MTUS2: variants seen among roughly 807,000 people sequenced by gnomAD.
MTUS2 encodes microtubule associated scaffold protein 2.
A neutral mutation model predicts 114.1 loss-of-function variants in MTUS2; 40 were observed. The ratio of observed to expected loss-of-function variants is 0.35; its 90% confidence interval spans 0.27 to 0.46. The LOEUF (loss-of-function observed/expected upper bound fraction) is 0.46, where lower values mean the gene tolerates loss of function less well. Ranked by LOEUF, MTUS2 falls within the 20% of genes least tolerant of loss-of-function variation. The pLI is 1.00. For synonymous variants in MTUS2, 688 were observed against 672.0 expected, an observed-to-expected ratio of 1.02 and a Z score of -0.37; for missense variants, 1,679 against 1,705.4, an observed-to-expected ratio of 0.98 and a Z score of 0.27.
intron 5 of MTUS2, among the ~76,000 whole-genome samples, chr13:29,156,141 TCCCA>T (rs1892850508): frequency 6.6e-6 from 1 of 152,114 alleles, no homozygotes; most frequent in South Asian, 2.1e-4. Context: ...TTTAGGGTGC[TCCCA>T]TTTTCTAGTG....
In MTUS2 at chr13:29,124,852, A is replaced by G. The variant is rs79963558; in HGVS notation, c.2644+23882A>G. ...GACACAAAGGACAAATAAATACTGC[A>G]TGATTCCACTAATAGGAGGTACCTG... is the stretch of plus-strand genomic sequence containing the variant. On this transcript the variant is annotated intron_variant, in intron 5 of 15. Transcript: ENST00000612955. Among the ~76,000 whole-genome samples, 9 of 152,354 alleles carry G rather than the reference A, an allele frequency of 5.9e-5. No individual in the cohort carries two copies. In the East Asian group the frequency reaches 1.5e-3, roughly 26 times the overall value.
intron 2 of MTUS2, among the ~76,000 whole-genome samples, chr13:28,891,522 A>G (rs2137913942): frequency 6.6e-6 from 1 of 152,302 alleles, no homozygotes; most frequent in South Asian, 2.1e-4. Context: ...TGTAAATGTT[A>G]AGTTCCTAAG....
chr13:29,349,459 T>A (rs1869036383), intron 7 of MTUS2, among the ~76,000 whole-genome samples: 1 of 152,174 alleles, frequency 6.6e-6, no homozygotes, highest in Non-Finnish European at 1.5e-5. Context: ...TCTGAGTTAC[T>A]CATTTAATTG....
At chr13:28,990,013 G>A (rs1884760540) in intron 2 of MTUS2, among the ~76,000 whole-genome samples, 1 of 152,166 alleles carries the variant, frequency 6.6e-6, no homozygotes, top group African/African-American at 2.4e-5. Context: ...GGGCTTATAT[G>A]GAAGGAGGTA....
intron 7 of MTUS2, among the ~76,000 whole-genome samples, chr13:29,338,596 C>CAAAACAAA (rs1555266802): frequency 0.011 from 1,563 of 143,198 alleles, 26 homozygotes; most frequent in African/African-American, 0.041. Context: ...TCTCAGAAAA[C>CAAAACAAA]AAAAAAAAAC....
At chr13:29,330,215 T>G (rs1900713277) in intron 7 of MTUS2, among the ~76,000 whole-genome samples, 1 of 152,224 alleles carries the variant, frequency 6.6e-6, no homozygotes, top group Admixed American at 6.5e-5. Flanking sequence ...TTACATGTGT[T>G]TGTTGGCCAC....
chr13:29,462,513 G>A lies in MTUS2; in HGVS notation c.3185-17637G>A, dbSNP rs149401690. Among the ~76,000 whole-genome samples, 46 of 152,272 alleles carry A rather than the reference G, an allele frequency of 3.0e-4. No homozygotes were observed. In the East Asian group the frequency reaches 8.7e-3, roughly 29 times the overall value. On this transcript the variant is annotated intron_variant, in intron 9 of 15. Coordinates refer to ENST00000612955, the MANE Select transcript of MTUS2 (RefSeq NM_001033602.4). ...AGAGATAGTGGTGGCTGCAGCCAGG[G>A]TGGTGGTGGTGAGGAGGGGAGATGT...
intron 2 of MTUS2, among the ~76,000 whole-genome samples, chr13:29,016,195 G>C (rs538015773): frequency 9.6e-4 from 146 of 152,240 alleles, no homozygotes; most frequent in Non-Finnish European, 1.9e-3. Context: ...GAGCCACCAT[G>C]CCTGGCCAAT....
At position 29,381,902 on chromosome 13, in the gene MTUS2, A is replaced by G. The variant is rs1038981191; in HGVS notation, c.3117+22429A>G. On this transcript the variant is annotated intron_variant, in intron 8 of 15. Transcript: ENST00000612955. ...ATGAGGGTGACGTGAGATAACAGAC[A>G]TGAAAGTTGGAAATACTCTATCACG... is the stretch of plus-strand genomic sequence containing the variant. Among the ~76,000 whole-genome samples the G allele has an allele frequency of 3.9e-5, 6 of 152,322 alleles. No individual in the cohort carries two copies. The East Asian group carries it at 7.7e-4, about 20-fold the overall frequency.
intron 5 of MTUS2, among the ~76,000 whole-genome samples, chr13:29,121,460 T>C (rs575542928): frequency 2.2e-3 from 321 of 145,094 alleles, no homozygotes; most frequent in Non-Finnish European, 3.6e-3. Context: ...CACACACACA[T>C]GCAAGAGATA....
chr13:29,166,823 G>A (rs1046620443), intron 5 of MTUS2, among the ~76,000 whole-genome samples: 1 of 151,874 alleles, frequency 6.6e-6, no homozygotes, highest in African/African-American at 2.4e-5. Context: ...AAGATGTATT[G>A]TCTTGAAAAA....
At chr13:29,377,632 G>A (rs78171712) in intron 8 of MTUS2, among the ~76,000 whole-genome samples, 1,901 of 151,300 alleles carry the variant, frequency 0.013, 26 homozygotes, top group Non-Finnish European at 0.018. Context: ...GTAGTGCCTA[G>A]AAAGGTATTT....
rs183179051 is a variant in MTUS2 at position 29,354,973 on chromosome 13, G to T, written c.2906-4289G>T. Among the ~76,000 whole-genome samples, 64 of 152,306 alleles carry T rather than the reference G, an allele frequency of 4.2e-4. 1 individual carries two copies. Among genetic ancestry groups the T allele is most frequent in the African/African-American group, 1.5e-3 (62 of 41,560 alleles). ...TTAAGTGGGAAGCTATCAAAGTTCT[G>T]TCCTATAATTCTTTGCCTTCTTATC... On this transcript the variant is annotated intron_variant, in intron 7 of 15. Transcript: ENST00000612955.
intron 5 of MTUS2, among the ~76,000 whole-genome samples, chr13:29,216,260 A>C (rs1215638755): frequency 6.6e-6 from 1 of 152,162 alleles, no homozygotes; most frequent in Non-Finnish European, 1.5e-5. Flanking sequence ...GTCGATTCAG[A>C]GTGCTGCTGG....
intron 8 of MTUS2, among the ~76,000 whole-genome samples, chr13:29,398,710 C>T (rs537571388): frequency 3.3e-5 from 5 of 152,224 alleles, no homozygotes; most frequent in East Asian, 3.9e-4. Flanking sequence ...AGGTTTCCCA[C>T]ACATAAAGTG....
intron 2 of MTUS2, among the ~76,000 whole-genome samples, chr13:28,910,552 C>T (rs1019110595): frequency 1.3e-5 from 2 of 152,034 alleles, no homozygotes; most frequent in African/African-American, 4.8e-5. Context: ...CCCCAGCCCC[C>T]CAGCAGGCCC....
intron 4 of MTUS2, among the ~76,000 whole-genome samples, chr13:29,052,444 G>T (rs1277353748): frequency 1.5e-5 from 2 of 130,112 alleles, no homozygotes; most frequent in Admixed American, 9.0e-5. Context: ...TCACACCACT[G>T]CATGCTAGCC....
In MTUS2 at chr13:29,240,567, A is replaced by C. The variant is rs199759371; in HGVS notation, c.2645-41137A>C. ...TGTGTGAATCACAGTTGTAATACCG[A>C]CACATTACTTTTGTCAGTGTAAGAT... On this transcript the variant is annotated intron_variant, in intron 5 of 15. Coordinates refer to ENST00000612955, the MANE Select transcript of MTUS2 (RefSeq NM_001033602.4). Among the ~76,000 whole-genome samples the C allele has an allele frequency of 0.01, 1,077 of 107,242 alleles. 20 individuals carry two copies. In the East Asian group the frequency reaches 0.16, roughly 16 times the overall value. 70.4% of individuals were successfully genotyped at this position (107,242 alleles called of 152,430 possible).
intron 7 of MTUS2, among the ~76,000 whole-genome samples, chr13:29,346,704 A>G (rs188310481): frequency 7.0e-6 from 1 of 143,292 alleles, no homozygotes; most frequent in East Asian, 2.0e-4. Context: ...AACTGCACAA[A>G]TCGTTTCAAA....
Sources: allele counts gnomAD v4.1 joint callset (sites outside exome capture counted in the v4.1 genomes callset), GRCh38; gene constraint gnomAD v4.1.1; transcripts MANE v1.5; gene names NCBI Gene and HGNC (gene_info 2026-07-23, HGNC 2026-07-21).